The following AGTPBP1 variants were observed in gnomAD, a reference collection of about 807,000 sequenced individuals.
AGTPBP1 encodes the protein cytosolic carboxypeptidase 1.
Under a neutral mutation model 143.9 loss-of-function variants are expected in AGTPBP1, and 70 were observed. That is an observed-to-expected ratio of 0.49 (90% confidence interval 0.40 to 0.59). AGTPBP1 has a LOEUF of 0.59. Ranked by LOEUF, AGTPBP1 falls within the 20% of genes least tolerant of loss-of-function variation. The pLI, the probability that AGTPBP1 is intolerant of heterozygous loss-of-function variation, is 0.00. For missense variants in AGTPBP1, 1,229 were observed against 1,464.5 expected, an observed-to-expected ratio of 0.84 and a Z score of 2.62; for synonymous variants, 463 against 500.2, an observed-to-expected ratio of 0.93 and a Z score of 0.99.
chr9:85,788,422 T>TAC, the AGTPBP1 span, among the ~76,000 whole-genome samples: 10 of 149,728 alleles, frequency 6.7e-5, no homozygotes, highest in Non-Finnish European at 1.5e-4. Flanking sequence ...TATATATATA[T>TAC]ACACTTGTAC....
intron 12 of AGTPBP1, among the ~76,000 whole-genome samples, chr9:85,644,118 C>T (rs1356671348): frequency 6.6e-6 from 1 of 151,886 alleles, no homozygotes; most frequent in East Asian, 1.9e-4. Context: ...AGGAATTTAG[C>T]TATTATTTAC....
chr9:85,678,414 T>C lies in AGTPBP1; in HGVS notation c.226-16A>G. The stretch of plus-strand genomic sequence containing the variant: ...CTTTTGTGTTCTGAAATAAATAGTT[T>C]GTTTTATTAAAACATTGTAAACTTT... On this transcript the variant is annotated splice_polypyrimidine_tract_variant and intron_variant, in intron 4 of 25. Coordinates refer to ENST00000357081, the MANE Select transcript of AGTPBP1 (RefSeq NM_001330701.2). 2 of 1,519,254 alleles carry C rather than the reference T, an allele frequency of 1.3e-6. No individual in the cohort carries two copies. The highest frequency in any genetic ancestry group is 1.8e-6 in the Non-Finnish European group (2 of 1,111,440). 94.1% of individuals were successfully genotyped at this position (1,519,254 alleles called of 1,614,324 possible).
At chr9:85,599,726 A>G (rs1829543045) in intron 17 of AGTPBP1, among the ~76,000 whole-genome samples, 1 of 152,200 alleles carries the variant, frequency 6.6e-6, no homozygotes, top group South Asian at 2.1e-4. Flanking sequence ...CACTCTGTAC[A>G]TTTTCTGAAT....
chr9:85,739,670 T>C, intron 1 of AGTPBP1, among the ~76,000 whole-genome samples: 1 of 145,010 alleles, frequency 6.9e-6, no homozygotes, highest in East Asian at 2.1e-4. Context: ...ATCGTGCCAC[T>C]GCACTCCAGC....
At chr9:85,786,337 A>C in the AGTPBP1 span, 1 of 1,613,514 alleles carries the variant, frequency 6.2e-7, no homozygotes, top group Non-Finnish European at 8.5e-7. Flanking sequence ...AGGTAATGAG[A>C]ATAAAACAGA....
chr9:85,717,669 G>A (rs1587967858), intron 1 of AGTPBP1, among the ~76,000 whole-genome samples: 1 of 150,928 alleles, frequency 6.6e-6, no homozygotes, highest in East Asian at 1.9e-4. Context: ...TGAATGGGAT[G>A]AGTATCCTTT....
intron 17 of AGTPBP1, among the ~76,000 whole-genome samples, chr9:85,609,055 G>C (rs1830154798): frequency 6.6e-6 from 1 of 152,066 alleles, no homozygotes; most frequent in Non-Finnish European, 1.5e-5. Context: ...CAAGAATAAA[G>C]CCTGTGTTAT....
chr9:85,642,475 C>T (rs1002657178), intron 13 of AGTPBP1, among the ~76,000 whole-genome samples: 1 of 151,722 alleles, frequency 6.6e-6, no homozygotes, highest in Non-Finnish European at 1.5e-5. Flanking sequence ...ACTGCAGGAA[C>T]GTGCCACCAC....
chr9:85,570,413 C>T (rs1302885212), intron 25 of AGTPBP1, among the ~76,000 whole-genome samples: 1 of 152,204 alleles, frequency 6.6e-6, no homozygotes, highest in Non-Finnish European at 1.5e-5. Flanking sequence ...CGTTCAGCTG[C>T]TATTTCTTTA....
At chr9:85,691,385 T>A (rs577473590) in intron 3 of AGTPBP1, among the ~76,000 whole-genome samples, 2 of 152,146 alleles carry the variant, frequency 1.3e-5, no homozygotes, top group Admixed American at 1.3e-4. Flanking sequence ...AAACATCTTA[T>A]CTGAATGACC....
intron 21 of AGTPBP1, among the ~76,000 whole-genome samples, chr9:85,587,230 G>GA (rs1184443152): frequency 6.6e-6 from 1 of 152,076 alleles, no homozygotes; most frequent in Non-Finnish European, 1.5e-5. Context: ...TCAAAGTATA[G>GA]AAAAAATTCT....
rs867473146 is a variant in AGTPBP1 at position 85,689,923 on chromosome 9, A to T, written c.157+2766T>A. ...CAAAAAAAAAAAAAAAAAAAAAAAAAAAATATATATATATATATATATATC... is the reference window on the plus strand; with the variant it reads ...CAAAAAAAAAAAAAAAAAAAAAAAATAAATATATATATATATATATATATC... On this transcript the variant is annotated intron_variant, in intron 3 of 25. Coordinates refer to ENST00000357081, the MANE Select transcript of AGTPBP1 (RefSeq NM_001330701.2). 2.7e-3 allele frequency among the ~76,000 whole-genome samples: 267 copies of T among 97,512 alleles called. 3 individuals carry two copies. The highest frequency in any genetic ancestry group is 0.01 in the East Asian group (33 of 3,288). The allele number at this position is 97,512 out of a possible 152,430, so 64.0% of individuals were successfully genotyped here. A position where few individuals can be genotyped will look rare whatever the true frequency, so the allele number is the denominator to read the frequency against.
chr9:85,645,309 C>A (rs1017604299), intron 12 of AGTPBP1, among the ~76,000 whole-genome samples: 1 of 152,076 alleles, frequency 6.6e-6, no homozygotes, highest in Admixed American at 6.5e-5. Context: ...GTGAATAATG[C>A]AAGCTAACAA....
chr9:85,613,431 A>T (rs1587737906), intron 17 of AGTPBP1, among the ~76,000 whole-genome samples: 1 of 152,198 alleles, frequency 6.6e-6, no homozygotes, highest in East Asian at 1.9e-4. Context: ...AAATTGGAAA[A>T]AACTAATCCA....
intron 17 of AGTPBP1, among the ~76,000 whole-genome samples, chr9:85,612,180 C>T (rs1483433349): frequency 6.6e-6 from 1 of 152,152 alleles, no homozygotes; most frequent in East Asian, 1.9e-4. Context: ...ATAGAAACAA[C>T]TTCTATTCTA....
the AGTPBP1 span, among the ~76,000 whole-genome samples, chr9:85,768,952 G>A: frequency 6.6e-6 from 1 of 151,020 alleles, no homozygotes; most frequent in Non-Finnish European, 1.5e-5. Context: ...GGGAGGCTGA[G>A]GCAGGAGAAT....
intron 14 of AGTPBP1, among the ~76,000 whole-genome samples, chr9:85,623,385 A>G (rs1587759801): frequency 6.6e-6 from 1 of 152,316 alleles, no homozygotes; most frequent in South Asian, 2.1e-4. Context: ...ATTCTGGGGG[A>G]CATAATTGCC....
At chr9:85,669,014 T>TACACAC (rs139321417) in intron 8 of AGTPBP1, among the ~76,000 whole-genome samples, 127 of 120,554 alleles carry the variant, frequency 1.1e-3, no homozygotes, top group African/African-American at 1.8e-3. Flanking sequence ...TGTGTATACA[T>TACACAC]ACACACACAC....
At chr9:85,739,114 G>C (rs900405840) in intron 1 of AGTPBP1, among the ~76,000 whole-genome samples, 1 of 152,128 alleles carries the variant, frequency 6.6e-6, no homozygotes, top group Non-Finnish European at 1.5e-5. Flanking sequence ...CTTGCCTAAA[G>C]CAAAGCCAGG....
Sources: allele counts gnomAD v4.1 joint callset (sites outside exome capture counted in the v4.1 genomes callset), GRCh38; gene constraint gnomAD v4.1.1; transcripts MANE v1.5; gene names NCBI Gene and HGNC (gene_info 2026-07-23, HGNC 2026-07-21).